Variants in TSNAX observed in about 807,000 individuals in gnomAD.
TSNAX encodes the protein translin associated factor X.
Under a neutral mutation model 33.0 loss-of-function variants are expected in TSNAX, and 12 were observed. The observed-to-expected ratio is 0.36, with a 90% confidence interval of 0.23 to 0.59. The LOEUF (loss-of-function observed/expected upper bound fraction) is 0.59. Ranked by LOEUF, TSNAX falls within the 20% of genes least tolerant of loss-of-function variation. The probability of loss-of-function intolerance (pLI) is 0.74; values close to 1 mark genes in which losing one functional copy is unlikely to be tolerated. For synonymous variants in TSNAX, 110 were observed against 117.2 expected (o/e 0.94, Z 0.40); for missense variants, 267 against 341.3 (o/e 0.78, Z 1.72).
chr1:231,557,757 C>T (rs1660784986), intron 4 of TSNAX, among the ~76,000 whole-genome samples: 1 of 152,148 alleles, frequency 6.6e-6, no homozygotes, highest in African/African-American at 2.4e-5. Context: ...GAACCTAATA[C>T]AGTGACTAGC....
chr1:231,564,755 G>A lies in TSNAX; in HGVS notation c.723G>A (p.Lys241=). The A allele has an allele frequency of 1.2e-6, 2 of 1,614,174 alleles. No individual in the cohort carries two copies. The highest frequency in any genetic ancestry group is 1.7e-6 in the Non-Finnish European group (2 of 1,180,040). Reference sequence around the variant, plus strand: ...ACACTGGACCTTACGAGGTTTCTAAGAAGCTGTATACCTTGAAACAAAGTT... The same window carrying A: ...ACACTGGACCTTACGAGGTTTCTAAAAAGCTGTATACCTTGAAACAAAGTT... ...IGNTGPYEVS[K]KLYTLKQSLA... Residue 241 remains lysine, a synonymous_variant, in exon 6 of 6, where the codon AAG becomes AAA. Transcript: ENST00000366639.
At chr1:231,539,243 A>G (rs1659397068) in intron 3 of TSNAX, among the ~76,000 whole-genome samples, 2 of 152,210 alleles carry the variant, frequency 1.3e-5, no homozygotes. Flanking sequence ...AACAATTGCC[A>G]TCAGTATTCA....
chr1:231,562,117 C>G (rs1558139285), intron 5 of TSNAX, among the ~76,000 whole-genome samples: 1 of 149,414 alleles, frequency 6.7e-6, no homozygotes, highest in African/African-American at 2.4e-5. Flanking sequence ...TACCAGTACA[C>G]TTAAAATTAA....
At chr1:231,543,786 CAT>C (rs1659728511) in intron 4 of TSNAX, among the ~76,000 whole-genome samples, 1 of 152,162 alleles carries the variant, frequency 6.6e-6, no homozygotes, top group Non-Finnish European at 1.5e-5. Flanking sequence ...GTCATTATAA[CAT>C]ATTACCAAAT....
chr1:231,564,671 C>G lies in TSNAX; in HGVS notation c.639C>G (p.Thr213=), dbSNP rs771239567. 2 of 1,614,010 alleles carry G rather than the reference C, an allele frequency of 1.2e-6. No individual in the cohort carries two copies. The highest frequency in any genetic ancestry group is 8.5e-7 in the Non-Finnish European group (1 of 1,179,998). ...INSVGNGDID[T]PFEVSQFLRQ... is the part of the protein sequence containing the mutation. ...GTGTGGGGAATGGGGACATTGATAC[C>G]CCCTTTGAAGTGAGCCAGTTTTTAC... The change falls in exon 6 of 6, where the codon ACC becomes ACG. Residue 213 remains threonine (T), a synonymous_variant. Transcript: ENST00000366639.
chr1:231,552,163 C>T (rs1464427175), intron 4 of TSNAX, among the ~76,000 whole-genome samples: 6 of 152,092 alleles, frequency 3.9e-5, no homozygotes, highest in Non-Finnish European at 8.8e-5. Flanking sequence ...CAGGCACTTA[C>T]AATCCCAGCT....
chr1:231,529,629 G>T (rs567306842), intron 2 of TSNAX, among the ~76,000 whole-genome samples: 1 of 152,154 alleles, frequency 6.6e-6, no homozygotes, highest in African/African-American at 2.4e-5. Flanking sequence ...CTCAAGAATT[G>T]TGTACCTGAT....
At chr1:231,553,435 AT>A (rs1660467564) in intron 4 of TSNAX, among the ~76,000 whole-genome samples, 1 of 152,194 alleles carries the variant, frequency 6.6e-6, no homozygotes, top group Non-Finnish European at 1.5e-5. Context: ...AATAATTCTA[AT>A]TGGATTTCAT....
intron 4 of TSNAX, among the ~76,000 whole-genome samples, chr1:231,551,559 A>T (rs1660295326): frequency 6.6e-6 from 1 of 152,150 alleles, no homozygotes; most frequent in Non-Finnish European, 1.5e-5. Flanking sequence ...ACCTTTCTTG[A>T]ATTTAGCAAA....
chr1:231,556,361 GA>G (rs1031114935), intron 4 of TSNAX, among the ~76,000 whole-genome samples: 6 of 150,916 alleles, frequency 4.0e-5, no homozygotes, highest in African/African-American at 7.3e-5. Flanking sequence ...ACTGAAATAT[GA>G]AAAAAAAAGT....
chr1:231,560,100 C>T (rs1660962581), intron 4 of TSNAX, among the ~76,000 whole-genome samples: 1 of 151,466 alleles, frequency 6.6e-6, no homozygotes. Context: ...CTGCCTCAGC[C>T]TCCTGTGTAG....
At chr1:231,540,150 G>C (rs1659473364) in intron 3 of TSNAX, among the ~76,000 whole-genome samples, 1 of 144,260 alleles carries the variant, frequency 6.9e-6, no homozygotes, top group South Asian at 2.2e-4. Flanking sequence ...ATCCAGCCTG[G>C]GTGACAGAAT....
intron 4 of TSNAX, among the ~76,000 whole-genome samples, chr1:231,550,469 G>A (rs1660225947): frequency 1.3e-5 from 2 of 152,188 alleles, no homozygotes; most frequent in African/African-American, 4.8e-5. Context: ...TTCATGCAGA[G>A]CATATTCTCT....
At chr1:231,538,432 T>C (rs184719984) in intron 3 of TSNAX, among the ~76,000 whole-genome samples, 2 of 152,342 alleles carry the variant, frequency 1.3e-5, no homozygotes, top group East Asian at 1.9e-4. Flanking sequence ...CACTATCTTA[T>C]GAGCAGCTGA....
At chr1:231,554,943 G>A (rs1202288135) in intron 4 of TSNAX, among the ~76,000 whole-genome samples, 1 of 152,200 alleles carries the variant, frequency 6.6e-6, no homozygotes, top group East Asian at 1.9e-4. Flanking sequence ...TAAGGTTATA[G>A]TGAGCATTAA....
intron 3 of TSNAX, among the ~76,000 whole-genome samples, chr1:231,541,690 ACTT>A (rs1197241416): frequency 6.6e-6 from 1 of 152,164 alleles, no homozygotes. Context: ...TGCCTAAAGA[ACTT>A]CTTTTAATAT....
At chr1:231,542,106 C>T (rs1558125099) in intron 3 of TSNAX, among the ~76,000 whole-genome samples, 2 of 152,170 alleles carry the variant, frequency 1.3e-5, no homozygotes, top group Non-Finnish European at 2.9e-5. Context: ...GATCACTGCT[C>T]CATGCTGCCT....
intron 4 of TSNAX, among the ~76,000 whole-genome samples, chr1:231,559,662 A>G (rs1318065301): frequency 1.3e-5 from 2 of 152,196 alleles, no homozygotes; most frequent in African/African-American, 4.8e-5. Flanking sequence ...TTGGAAAAGT[A>G]TAGTACTGTA....
At position 231,538,462 on chromosome 1, in the gene TSNAX, T is replaced by C. The variant is rs187996171; in HGVS notation, c.236+1135T>C. On this transcript the variant is annotated intron_variant, in intron 3 of 5. Transcript: ENST00000366639. Reference sequence around the variant, plus strand: ...AGCTGAGGATCTCCATCTTCCATCTTTGCTTCTTTGTTTGCTTCATAATTC... The same window carrying C: ...AGCTGAGGATCTCCATCTTCCATCTCTGCTTCTTTGTTTGCTTCATAATTC... Among the ~76,000 whole-genome samples, 387 of 152,318 alleles carry C rather than the reference T, an allele frequency of 2.5e-3. 2 individuals are homozygous for C. Among genetic ancestry groups the C allele is most frequent in the African/African-American group, 8.7e-3 (361 of 41,562 alleles).
Sources: gnomAD v4.1 joint callset for allele counts (sites outside exome capture counted in the v4.1 genomes callset) on GRCh38, gnomAD v4.1.1 for gene constraint, MANE v1.5 for transcripts, NCBI Gene and HGNC (gene_info 2026-07-23, HGNC 2026-07-21) for gene names.